Variants in NRG4 observed in about 807,000 individuals in gnomAD.
The protein encoded by NRG4 is pro-neuregulin-4, membrane-bound isoform.
In NRG4, 10 loss-of-function variants were observed where a neutral mutation model predicts 15.0. That is an observed-to-expected ratio of 0.67 (90% CI 0.41 to 1.13). The LOEUF (loss-of-function observed/expected upper bound fraction) is 1.13. Among genes scored for constraint, NRG4 ranks in the 50% most tolerant of loss-of-function variants. The probability of loss-of-function intolerance (pLI) is 0.00; values close to 1 mark genes in which losing one functional copy is unlikely to be tolerated. For missense variants in NRG4, 139 were observed against 140.2 expected, an observed-to-expected ratio of 0.99 and a Z score of 0.04; for synonymous variants, 41 against 50.1, an observed-to-expected ratio of 0.82 and a Z score of 0.77.
intron 3 of NRG4, among the ~76,000 whole-genome samples, chr15:75,978,483 T>C (rs539695550): frequency 2.6e-5 from 4 of 152,252 alleles, no homozygotes; most frequent in Non-Finnish European, 5.9e-5. Context: ...ATCTTGGCTA[T>C]TGTGAATAGT....
chr15:76,016,739 T>A (rs334944), upstream of NRG4, among the ~76,000 whole-genome samples: 2 of 152,024 alleles, frequency 1.3e-5, no homozygotes, highest in East Asian at 3.8e-4. Context: ...TGCTGAGGAG[T>A]ATTTTACTTC....
chr15:76,009,514 C>A (rs2034730637), intron 2 of NRG4, among the ~76,000 whole-genome samples: 2 of 152,080 alleles, frequency 1.3e-5, no homozygotes, highest in African/African-American at 4.8e-5. Flanking sequence ...TGGCCATTAA[C>A]TATAATGGGT....
At chr15:76,008,926 G>T (rs1470672811) in intron 3 of NRG4, among the ~76,000 whole-genome samples, 6 of 152,094 alleles carry the variant, frequency 3.9e-5, no homozygotes, top group African/African-American at 7.2e-5. Context: ...TAAAATCAAA[G>T]AGTTCACTAA....
At chr15:75,968,922 A>G (rs745413724) in intron 3 of NRG4, among the ~76,000 whole-genome samples, 11 of 152,188 alleles carry the variant, frequency 7.2e-5, no homozygotes, top group African/African-American at 2.2e-4. Context: ...AACAATTTCA[A>G]TAAATATACA....
chr15:75,944,768 T>TGGGGG (rs755812813), intron 5 of NRG4, among the ~76,000 whole-genome samples: 2 of 115,046 alleles, frequency 1.7e-5, no homozygotes, highest in African/African-American at 5.9e-5. Context: ...TGTGTGTGTG[T>TGGGGG]GGGGGGGTGG....
Position 75,943,578 on chromosome 15 carries a change from G to A in NRG4, c.*60C>T. ...AGATTTTTAATTCTTTTACCTAGTG[G>A]TGTTTCATTTTCTGCCTTTGTAAAA... On this transcript the variant is annotated 3_prime_UTR_variant, in exon 6 of 6. Transcript: ENST00000394907. The A allele has an allele frequency of 1.0e-6, 1 of 984,960 alleles. No homozygotes were observed. Among genetic ancestry groups the A allele is most frequent in the South Asian group, 1.3e-5 (1 of 74,660 alleles). 61.0% of individuals were successfully genotyped at this position (984,960 alleles called of 1,614,324 possible). A position where few individuals can be genotyped will look rare whatever the true frequency, so the allele number is the denominator to read the frequency against.
At chr15:76,012,709 TGTG>T (rs1567110343), upstream of NRG4, among the ~76,000 whole-genome samples, 1 of 152,168 alleles carries the variant, frequency 6.6e-6, no homozygotes, top group African/African-American at 2.4e-5. Context: ...GAAATTTTAA[TGTG>T]GAGCTAATAG....
At chr15:76,050,891 G>A (rs968278644) in intron 4 of NRG4, among the ~76,000 whole-genome samples, 1 of 149,602 alleles carries the variant, frequency 6.7e-6, no homozygotes, top group Non-Finnish European at 1.5e-5. Flanking sequence ...CTGCAGCCTC[G>A]AACTCCTGGG....
intron 5 of NRG4, among the ~76,000 whole-genome samples, chr15:76,026,604 C>T (rs1236473117): frequency 6.6e-6 from 1 of 152,162 alleles, no homozygotes; most frequent in East Asian, 1.9e-4. Flanking sequence ...AACTATTCAA[C>T]TCACTGGTAG....
chr15:76,014,964 T>G (rs1241868514), upstream of NRG4, among the ~76,000 whole-genome samples: 1 of 152,232 alleles, frequency 6.6e-6, no homozygotes, highest in Admixed American at 6.5e-5. Context: ...TATTGATTCT[T>G]CCTATCCATG....
chr15:75,981,942 C>G (rs1238991574), intron 3 of NRG4, among the ~76,000 whole-genome samples: 1 of 151,610 alleles, frequency 6.6e-6, no homozygotes. Context: ...AAATCACCCC[C>G]AAAGAAACAG....
chr15:75,938,537 G>C (rs1485157304), downstream of NRG4: 1 of 152,018 alleles, frequency 6.6e-6, no homozygotes, highest in East Asian at 1.9e-4. Flanking sequence ...AAGAATTAAA[G>C]AAATCAGGAA....
At chr15:75,938,932 C>A (rs974114270), downstream of NRG4, 2 of 151,932 alleles carry the variant, frequency 1.3e-5, no homozygotes, top group African/African-American at 4.8e-5. Flanking sequence ...ATGCAACATA[C>A]CAAAATTTAT....
exon 5 of NRG4, chr15:76,035,955 T>C (rs189666064): frequency 5.4e-4 from 82 of 152,358 alleles, no homozygotes; most frequent in Admixed American, 5.4e-3. Flanking sequence ...AAGAAATCTC[T>C]TGATTATAAT....
rs1461376481 is a variant in NRG4, at chr15:75,961,916, T to C, written c.163A>G (p.Ile55Val). Reference protein sequence around the residue: ...CEEVFLPGSSIQTKSNLFEAF... With the variant: ...CEEVFLPGSSVQTKSNLFEAF... ...TCAAACAGGTTACTTTTAGTTTGGA[T>C]GCTGGAGCCTGGGAGAAAAACCTCT... The change falls in exon 4 of 6, where the codon ATC becomes GTC. Residue 55 changes from isoleucine to valine, a missense_variant. Physicochemically the swap from Ile to Val is conservative, Grantham distance 29 (BLOSUM62 3). Transcript: ENST00000394907. 1.2e-6 allele frequency: 2 copies of C among 1,613,624 alleles called. No individual in the cohort carries two copies. Among genetic ancestry groups the C allele is most frequent in the Non-Finnish European group, 1.7e-6 (2 of 1,179,536 alleles).
chr15:75,966,360 G>T (rs1449009919), intron 3 of NRG4, among the ~76,000 whole-genome samples: 2 of 152,158 alleles, frequency 1.3e-5, no homozygotes, highest in Non-Finnish European at 2.9e-5. Flanking sequence ...ATGTGATCTT[G>T]GGCAAGTCAC....
At chr15:75,954,278 T>G (rs2032094140) in intron 5 of NRG4, among the ~76,000 whole-genome samples, 1 of 151,558 alleles carries the variant, frequency 6.6e-6, no homozygotes, top group Non-Finnish European at 1.5e-5. Flanking sequence ...TTTTTTTTTT[T>G]GATCTCAGAC....
At chr15:75,935,702 C>G (rs2141730651), downstream of NRG4, 1 of 151,638 alleles carries the variant, frequency 6.6e-6, no homozygotes, top group Admixed American at 6.6e-5. Context: ...GGCCAGATAG[C>G]AAAAGACGTG....
intron 4 of NRG4, among the ~76,000 whole-genome samples, chr15:75,960,180 A>C (rs2469042): frequency 0.018 from 2,804 of 152,346 alleles, 80 homozygotes; most frequent in African/African-American, 0.063. Context: ...AACAGATGGA[A>C]ACTATATCTC....
Sources: allele counts gnomAD v4.1 joint callset (sites outside exome capture counted in the v4.1 genomes callset), GRCh38; gene constraint gnomAD v4.1.1; transcripts MANE v1.5; gene names NCBI Gene and HGNC (gene_info 2026-07-23, HGNC 2026-07-21).